SPAST: variants seen among roughly 807,000 people sequenced by gnomAD.
SPAST encodes spastic paraplegia 4 (autosomal dominant; spastin).
A neutral mutation model predicts 76.6 loss-of-function variants in SPAST; 30 were observed. The observed-to-expected ratio is 0.39, with a 90% CI of 0.29 to 0.53. The LOEUF (loss-of-function observed/expected upper bound fraction) is 0.53. Among genes scored for constraint, SPAST ranks in the 20% least tolerant of loss-of-function variants. SPAST has a pLI of 0.68. For synonymous variants in SPAST, 305 were observed against 281.0 expected (o/e 1.09, Z -0.86); for missense variants, 717 against 770.5 (o/e 0.93, Z 0.82).
At chr2:32,079,471 T>C (rs1406769890) in intron 1 of SPAST, among the ~76,000 whole-genome samples, 3 of 151,278 alleles carry the variant, frequency 2.0e-5, no homozygotes, top group Non-Finnish European at 4.4e-5. Context: ...ATACCACTGC[T>C]CTCTAGCATG....
chr2:32,112,808 G>T (rs1025931683), intron 4 of SPAST, among the ~76,000 whole-genome samples: 6 of 151,874 alleles, frequency 4.0e-5, no homozygotes, highest in Non-Finnish European at 7.4e-5. Flanking sequence ...TAAGAGATTT[G>T]ATTACAAAAG....
intron 1 of SPAST, among the ~76,000 whole-genome samples, chr2:32,073,356 A>G (rs1019949585): frequency 1.3e-5 from 2 of 152,092 alleles, no homozygotes; most frequent in East Asian, 1.9e-4. Context: ...TTGAAGAAGG[A>G]TGTTCCCTAA....
intron 9 of SPAST, among the ~76,000 whole-genome samples, chr2:32,131,420 A>G (rs1327550315): frequency 1.3e-5 from 2 of 152,206 alleles, no homozygotes; most frequent in Non-Finnish European, 2.9e-5. Flanking sequence ...GATGGTCTCC[A>G]TGCGGGCAGA....
intron 12 of SPAST, among the ~76,000 whole-genome samples, chr2:32,141,652 T>G (rs1473417535): frequency 2.6e-5 from 4 of 152,262 alleles, no homozygotes; most frequent in Non-Finnish European, 5.9e-5. Flanking sequence ...TCAGATATTT[T>G]GTTTGTTTTA....
At chr2:32,128,151 C>T (rs1679255881) in intron 8 of SPAST, 11 of 412,936 alleles carry the variant, frequency 2.7e-5, no homozygotes, top group South Asian at 8.9e-5. Flanking sequence ...TGCGCCACCA[C>T]GCCTGACTAA....
At chr2:32,133,074 A>G (rs1679425341) in intron 9 of SPAST, among the ~76,000 whole-genome samples, 1 of 152,052 alleles carries the variant, frequency 6.6e-6, no homozygotes, top group Non-Finnish European at 1.5e-5. Flanking sequence ...GCATTGTGTA[A>G]TATTATGTAG....
At chr2:32,116,320 T>C in intron 7 of SPAST, 108 bp downstream of exon 7, 2 of 740,236 alleles carry the variant, frequency 2.7e-6, no homozygotes, top group Non-Finnish European at 4.7e-6. Context: ...TTAATTCATA[T>C]AAGGTAACAA....
intron 4 of SPAST, among the ~76,000 whole-genome samples, chr2:32,110,496 T>C: frequency 7.5e-6 from 1 of 133,626 alleles, no homozygotes; most frequent in South Asian, 2.2e-4. Flanking sequence ...TAACTATATA[T>C]ATAGTATATA....
intron 3 of SPAST, among the ~76,000 whole-genome samples, chr2:32,096,406 G>T (rs752122422): frequency 4.6e-5 from 7 of 152,316 alleles, no homozygotes; most frequent in Middle Eastern, 3.4e-3. Flanking sequence ...CTGCGCTCCA[G>T]CCTGGGCGAC....
At position 32,089,218 on chromosome 2, in the gene SPAST, T is replaced by TTTTTTTTTTTTCC. The variant is rs375850129; in HGVS notation, c.503-304_503-303insTTTTTTTTTTTCC. On this transcript the variant is annotated intron_variant, in intron 2 of 16. Transcript: ENST00000315285. ...CGGCTAATTTTTTTTTTTTTTTTTTTAAGTAGAGACCAGATCTCTTTATGT... is the reference window on the plus strand; with the variant it reads ...CGGCTAATTTTTTTTTTTTTTTTTTTTTTTTTTTTTTCCAAGTAGAGACCAGATCTCTTTATGT... 2.1e-4 allele frequency among the ~76,000 whole-genome samples: 27 copies of TTTTTTTTTTTTCC among 129,994 alleles called. No homozygotes were observed. The East Asian group carries it at 3.1e-3, about 15-fold the overall frequency. 85.3% of individuals were successfully genotyped at this position (129,994 alleles called of 152,430 possible).
At chr2:32,134,782 A>G (rs1404576815) in intron 9 of SPAST, among the ~76,000 whole-genome samples, 4 of 152,052 alleles carry the variant, frequency 2.6e-5, no homozygotes, top group African/African-American at 9.7e-5. Flanking sequence ...TGCAACCTCC[A>G]ACTCTCAGGT....
chr2:32,086,767 A>G (rs1677498192), intron 1 of SPAST, among the ~76,000 whole-genome samples: 1 of 152,146 alleles, frequency 6.6e-6, no homozygotes, highest in Admixed American at 6.6e-5. Context: ...CAAAAAAAAA[A>G]GAAAAAAAGT....
At chr2:32,137,895 T>A (rs147775869) in intron 12 of SPAST, among the ~76,000 whole-genome samples, 23 of 152,286 alleles carry the variant, frequency 1.5e-4, no homozygotes, top group Non-Finnish European at 2.8e-4. Context: ...TCCCCACTTA[T>A]GAGAACATGA....
chr2:32,106,263 G>C (rs183315388), intron 4 of SPAST, among the ~76,000 whole-genome samples: 1 of 152,194 alleles, frequency 6.6e-6, no homozygotes, highest in Non-Finnish European at 1.5e-5. Flanking sequence ...CTCTGAGCCA[G>C]GCATGGGATA....
At chr2:32,110,050 G>C (rs535438291) in intron 4 of SPAST, among the ~76,000 whole-genome samples, 1 of 146,126 alleles carries the variant, frequency 6.8e-6, no homozygotes, top group South Asian at 2.1e-4. Flanking sequence ...TAAACTATAT[G>C]TATACAGTTA....
chr2:32,138,624 T>C (rs1282896116), intron 12 of SPAST, among the ~76,000 whole-genome samples: 1 of 152,228 alleles, frequency 6.6e-6, no homozygotes, highest in Non-Finnish European at 1.5e-5. Context: ...CTGTTTACTC[T>C]GTTGATGGTT....
chr2:32,116,055 G>T (rs1044712712), intron 6 of SPAST, 64 bp from the exon 7 acceptor site: 4 of 1,207,740 alleles, frequency 3.3e-6, no homozygotes, highest in Non-Finnish European at 4.9e-6. Flanking sequence ...TAGGGCTTAG[G>T]CTTCATCTTG....
chr2:32,073,569 A>G (rs116039450), intron 1 of SPAST, among the ~76,000 whole-genome samples: 264 of 152,142 alleles, frequency 1.7e-3, no homozygotes, highest in Non-Finnish European at 3.0e-3. Context: ...AGCTCAAGCA[A>G]TCCTCCCACC....
At chr2:32,095,597 TGGTGA>T (rs1677886246) in intron 3 of SPAST, among the ~76,000 whole-genome samples, 1 of 142,980 alleles carries the variant, frequency 7.0e-6, no homozygotes, top group South Asian at 2.2e-4. Flanking sequence ...TAGCCAGGAG[TGGTGA>T]TGTGCACCTG....
Sources: gnomAD v4.1 joint callset for allele counts (sites outside exome capture counted in the v4.1 genomes callset) on GRCh38, gnomAD v4.1.1 for gene constraint, MANE v1.5 for transcripts, NCBI Gene and HGNC (gene_info 2026-07-23, HGNC 2026-07-21) for gene names.